Variants in MICU1 observed in about 807,000 individuals in gnomAD.
MICU1 encodes mitochondrial calcium uptake 1.
In MICU1, 45 loss-of-function variants were observed where a neutral mutation model predicts 56.8. The observed-to-expected ratio is 0.79, with a 90% CI of 0.62 to 1.02. The LOEUF is 1.02. Among genes scored for constraint, MICU1 ranks in the 50% least tolerant of loss-of-function variants. The pLI, the probability that MICU1 is intolerant of heterozygous loss-of-function variation, is 0.00. For missense variants in MICU1, 504 were observed against 587.1 expected (o/e 0.86, Z 1.46); for synonymous variants, 186 against 195.1 (o/e 0.95, Z 0.39).
chr10:72,397,905 C>T (rs1249042881), intron 10 of MICU1, among the ~76,000 whole-genome samples: 1 of 152,118 alleles, frequency 6.6e-6, no homozygotes, highest in African/African-American at 2.4e-5. Flanking sequence ...ATATCCAGGA[C>T]CTGAACTCAG....
chr10:72,525,487 C>A (rs1867936232), intron 5 of MICU1, among the ~76,000 whole-genome samples: 1 of 152,148 alleles, frequency 6.6e-6, no homozygotes, highest in Non-Finnish European at 1.5e-5. Context: ...ACAACTGAGA[C>A]ATGTGAAATC....
intron 6 of MICU1, among the ~76,000 whole-genome samples, chr10:72,489,031 G>A (rs896593070): frequency 6.6e-6 from 1 of 152,174 alleles, no homozygotes; most frequent in Non-Finnish European, 1.5e-5. Context: ...GCTCATGCCT[G>A]TAATCCCAGC....
chr10:72,412,967 C>T (rs558972125), intron 9 of MICU1, among the ~76,000 whole-genome samples: 12 of 151,876 alleles, frequency 7.9e-5, no homozygotes, highest in South Asian at 4.2e-4. Context: ...GAGGCAAAGG[C>T]GGGCAGATCA....
At chr10:72,451,110 C>T (rs752868965) in intron 8 of MICU1, among the ~76,000 whole-genome samples, 1 of 150,280 alleles carries the variant, frequency 6.7e-6, no homozygotes, top group African/African-American at 2.4e-5. Context: ...CTGCAACCTC[C>T]GCCTTTCTGG....
intron 6 of MICU1, chr10:72,477,619 T>C (rs1239574912): frequency 2.9e-6 from 4 of 1,360,544 alleles, no homozygotes; most frequent in East Asian, 5.0e-5. Flanking sequence ...CAAGAAAGTA[T>C]GTCTAGGGTG....
chr10:72,380,513 C>T (rs1046006670), intron 10 of MICU1, among the ~76,000 whole-genome samples: 5 of 152,098 alleles, frequency 3.3e-5, no homozygotes, highest in African/African-American at 9.7e-5. Context: ...TAAAAAGAAA[C>T]CCTGAGTTTG....
rs538383894 is a variant in MICU1, at chr10:72,544,032, T to C, written c.493+7147A>G. 3.9e-5 allele frequency among the ~76,000 whole-genome samples: 6 copies of C among 152,306 alleles called. No homozygotes were observed. The East Asian group carries it at 1.2e-3, about 29-fold the overall frequency. On this transcript the variant is annotated intron_variant, in intron 4 of 11. Transcript: ENST00000361114. ...GGCGCTGTGCCCTGGGCCTGGTAGT[T>C]AAAGATCAACCCCTGACCTAAACGG...
intron 8 of MICU1, among the ~76,000 whole-genome samples, chr10:72,451,682 A>G (rs1734135237): frequency 6.6e-6 from 1 of 152,052 alleles, no homozygotes; most frequent in Admixed American, 6.6e-5. Context: ...AGTTGGGATT[A>G]TAGGCACTTG....
intron 1 of MICU1, among the ~76,000 whole-genome samples, chr10:72,600,366 T>A (rs1406022200): frequency 6.6e-6 from 1 of 150,988 alleles, no homozygotes; most frequent in Non-Finnish European, 1.5e-5. Flanking sequence ...GAAAAATTTA[T>A]GGCCAGGCAC....
At chr10:72,545,687 C>A (rs552944460) in intron 4 of MICU1, among the ~76,000 whole-genome samples, 1 of 152,090 alleles carries the variant, frequency 6.6e-6, no homozygotes, top group African/African-American at 2.4e-5. Context: ...CCTACTCAAG[C>A]CTCTAAAAGG....
At chr10:72,520,791 C>A (rs1464884396) in intron 5 of MICU1, among the ~76,000 whole-genome samples, 2 of 152,030 alleles carry the variant, frequency 1.3e-5, no homozygotes, top group African/African-American at 4.8e-5. Flanking sequence ...ACTGGAATGG[C>A]ATTAACTTTA....
chr10:72,508,212 CA>C lies in MICU1; in HGVS notation c.594del (p.Gly199GlufsTer34). Reference sequence around the variant, plus strand: ...GAAAAGGATATGAGCCCACATTCTCCAAGGGTGTAAAATATACTGCCTTCAT... The same window carrying C: ...GAAAAGGATATGAGCCCACATTCTCCAGGGTGTAAAATATACTGCCTTCAT... Reference protein sequence around the residue: ...FADEGSIFYTLGECGLISFSD... With the variant: ...FADEGSIFYTXGECGLISFSD... On this transcript the variant is annotated frameshift_variant, in exon 6 of 12. Transcript: ENST00000361114. LOFTEE classifies it high-confidence loss of function. The C allele has an allele frequency of 6.4e-7, 1 of 1,551,078 alleles. No individual in the cohort carries two copies. The highest frequency in any genetic ancestry group is 8.8e-7 in the Non-Finnish European group (1 of 1,138,092).
At chr10:72,531,647 G>A (rs58680189) in intron 5 of MICU1, 14,042 of 151,884 alleles carry the variant, frequency 0.092, 2,159 homozygotes, top group African/African-American at 0.32. Context: ...GAACCAGGGA[G>A]TCGGAGGTTG....
intron 10 of MICU1, among the ~76,000 whole-genome samples, chr10:72,406,362 G>A (rs774819840): frequency 2.0e-5 from 3 of 152,060 alleles, no homozygotes; most frequent in Non-Finnish European, 2.9e-5. Context: ...TATTATGCTC[G>A]TGAATTATAA....
chr10:72,379,626 T>G (rs1862636886), intron 10 of MICU1: 1 of 396,186 alleles, frequency 2.5e-6, no homozygotes, highest in African/African-American at 2.1e-5. Flanking sequence ...AGGATGTCAG[T>G]GAGAGCTCTT....
intron 8 of MICU1, among the ~76,000 whole-genome samples, chr10:72,451,901 G>A (rs186502905): frequency 6.6e-6 from 1 of 150,666 alleles, no homozygotes; most frequent in East Asian, 2.0e-4. Context: ...GTCTCTCTCT[G>A]TCACCCAGGC....
intron 9 of MICU1, among the ~76,000 whole-genome samples, chr10:72,421,979 C>T (rs1188128045): frequency 3.9e-5 from 6 of 152,172 alleles, no homozygotes; most frequent in African/African-American, 1.4e-4. Flanking sequence ...AAACTAGTCC[C>T]TTTTCAGTTC....
chr10:72,454,008 G>C (rs1246305788), intron 8 of MICU1, among the ~76,000 whole-genome samples: 1 of 151,834 alleles, frequency 6.6e-6, no homozygotes, highest in African/African-American at 2.4e-5. Context: ...GCTAATGTTT[G>C]TATTTTTTGT....
At chr10:72,533,844 T>C (rs190211736) in intron 4 of MICU1, 55 bp from the exon 5 acceptor site, 5 of 1,191,944 alleles carry the variant, frequency 4.2e-6, no homozygotes, top group Admixed American at 4.8e-5. Flanking sequence ...AAGTGAAATT[T>C]ATAAAATGAC....
Sources: gnomAD v4.1 joint callset for allele counts (sites outside exome capture counted in the v4.1 genomes callset) on GRCh38, gnomAD v4.1.1 for gene constraint, MANE v1.5 for transcripts, NCBI Gene and HGNC (gene_info 2026-07-23, HGNC 2026-07-21) for gene names.